ZNF23: variants seen among roughly 807,000 people sequenced by gnomAD.
The protein encoded by ZNF23 is kruppel-like zinc finger factor X31.
ZNF23 carries 48 observed loss-of-function variants against 56.2 expected under a neutral mutation model. The observed-to-expected ratio is 0.85, with a 90% confidence interval of 0.68 to 1.09. ZNF23 has a LOEUF of 1.09. ZNF23 is among the 50% of genes least tolerant of loss of function. The probability of loss-of-function intolerance (pLI) is 0.00; values close to 1 mark genes in which losing one functional copy is unlikely to be tolerated. For missense variants in ZNF23, 805 were observed against 811.4 expected, an observed-to-expected ratio of 0.99 and a Z score of 0.10; for synonymous variants, 266 against 283.3, an observed-to-expected ratio of 0.94 and a Z score of 0.61.
intron 1 of ZNF23, among the ~76,000 whole-genome samples, chr16:71,458,895 G>A (rs2043337318): frequency 6.6e-6 from 1 of 152,234 alleles, no homozygotes; most frequent in East Asian, 1.9e-4. Context: ...CAGTTAGGCT[G>A]AGCAGTGTTT....
intron 2 of ZNF23, 116 bp from the exon 3 acceptor site, chr16:71,454,284 A>G (rs1303766549): frequency 5.9e-6 from 8 of 1,349,814 alleles, no homozygotes; most frequent in Non-Finnish European, 7.8e-6. Flanking sequence ...CAAAATTAGT[A>G]TTAACAACAA....
intron 1 of ZNF23, among the ~76,000 whole-genome samples, chr16:71,458,557 G>A (rs572329953): frequency 1.7e-4 from 26 of 152,126 alleles, no homozygotes; most frequent in Non-Finnish European, 3.7e-4. Flanking sequence ...ATATGGAGAC[G>A]GGGCCTGTCA....
In ZNF23 at chr16:71,448,991, A is replaced by G. The variant is rs776413285; in HGVS notation, c.1163T>C (p.Phe388Ser). 25 of 1,614,204 alleles carry G rather than the reference A, an allele frequency of 1.5e-5. No individual in the cohort carries two copies. The highest frequency in any genetic ancestry group is 1.9e-5 in the Non-Finnish European group (23 of 1,180,038). Reference protein sequence around the residue: ...PYECNECGKGFRCSSQLRQHQ... With the variant: ...PYECNECGKGSRCSSQLRQHQ... Reference sequence around the variant, plus strand: ...CTGCCTAAGCTGGGAGCTGCACCTGAAGCCTTTTCCACATTCATTACATTC... The same window carrying G: ...CTGCCTAAGCTGGGAGCTGCACCTGGAGCCTTTTCCACATTCATTACATTC... The change falls in exon 5 of 5, where the codon TTC becomes TCC. Residue 388 changes from phenylalanine to serine, a missense_variant. Physicochemically the swap from Phe to Ser is radical, Grantham distance 155 (BLOSUM62 -2). Coordinates refer to ENST00000647773, the MANE Select transcript of ZNF23 (RefSeq NM_001381984.1).
In ZNF23 at chr16:71,449,181, A is replaced by G; in HGVS notation, c.973T>C (p.Cys325Arg). The G allele has an allele frequency of 6.2e-7, 1 of 1,614,112 alleles. No individual in the cohort carries two copies. The highest frequency in any genetic ancestry group is 8.5e-7 in the Non-Finnish European group (1 of 1,180,016). Residue 325 changes from cysteine (C) to arginine (R), a missense_variant, in exon 5 of 5, where the codon TGC becomes CGC. Cys to Arg is a radical substitution (Grantham distance 180). Coordinates refer to ENST00000647773, the MANE Select transcript of ZNF23 (RefSeq NM_001381984.1). ...CTGAAGCCATTTCCACATTCCTTGC[A>G]CTGATAGGGCTTCTCTCCCGTATGG... ...RIHTGEKPYQ[C>R]KECGNGFSCS...
intron 2 of ZNF23, 165 bp from the exon 3 acceptor site, chr16:71,454,333 T>C (rs2043152374): frequency 5.5e-6 from 5 of 917,024 alleles, no homozygotes; most frequent in Admixed American, 3.3e-5. Flanking sequence ...GAAAGTAAAC[T>C]ACAAAGTATC....
rs1273867237 is a variant in ZNF23 at position 71,448,292 on chromosome 16, T to C, written c.1862A>G (p.His621Arg). 2 of 1,614,194 alleles carry C rather than the reference T, an allele frequency of 1.2e-6. No homozygotes were observed. The highest frequency in any genetic ancestry group is 2.2e-5 in the South Asian group (2 of 91,086). ...AFHVNAHLIR[H>R]QRSHTGEKPF... ...TTTCTCCCCAGTGTGGCTTCTCTGA[T>C]GCCGAATTAAATGGGCATTAACATG... The change falls in exon 5 of 5, where the codon CAT becomes CGT. Residue 621 changes from histidine (H) to arginine (R), a missense_variant. Physicochemically the swap from His to Arg is conservative, Grantham distance 29 (BLOSUM62 0). Coordinates refer to ENST00000647773, the MANE Select transcript of ZNF23 (RefSeq NM_001381984.1).
Position 71,447,720 on chromosome 16 carries a change from A to G in ZNF23, c.*373T>C, listed in dbSNP as rs537344707. ...TCTTTAGTACGGGTTTTCCTATCCA[A>G]CAACAAGGCTTCTCTCTCTCTCCAT... On this transcript the variant is annotated 3_prime_UTR_variant, in exon 5 of 5. Coordinates refer to ENST00000647773, the MANE Select transcript of ZNF23 (RefSeq NM_001381984.1). The G allele has an allele frequency of 1.3e-5, 2 of 159,738 alleles. No homozygotes were observed. The highest frequency in any genetic ancestry group is 1.3e-5 in the Non-Finnish European group (1 of 74,962). The allele number at this position is 159,738 out of a possible 1,614,324, so 9.9% of individuals were successfully genotyped here.
chr16:71,448,187 T>C lies in ZNF23; in HGVS notation c.1967A>G (p.Lys656Arg), dbSNP rs1339587793. The C allele has an allele frequency of 6.2e-6, 10 of 1,614,266 alleles. No individual in the cohort carries two copies. Among genetic ancestry groups the C allele is most frequent in the Non-Finnish European group, 7.6e-6 (9 of 1,180,042 alleles). ...YIIHQTVHTW[K>R]KPYMCSVCGK... The stretch of plus-strand genomic sequence containing the variant: ...ACACACACTACACATATAGGGTTTC[T>C]TCCAAGTGTGGACTGTCTGATGTAT... Residue 656 changes from lysine (K) to arginine (R), a missense_variant, in exon 5 of 5, where the codon AAG (lysine) becomes AGG (arginine). Transcript: ENST00000647773.
chr16:71,455,040 T>A (rs1239571635), intron 2 of ZNF23, among the ~76,000 whole-genome samples: 1 of 152,186 alleles, frequency 6.6e-6, no homozygotes, highest in Non-Finnish European at 1.5e-5. Context: ...AGGGATCTGC[T>A]GCTCAACTCC....
intron 4 of ZNF23, chr16:71,450,624 C>T (rs560536625): frequency 7.2e-6 from 3 of 415,500 alleles, no homozygotes; most frequent in African/African-American, 2.1e-5. Flanking sequence ...GAGGATGAGG[C>T]AGGAGAATTG....
rs149618249 is a variant in ZNF23 at position 71,448,174 on chromosome 16, C to A, written c.1980G>T (p.Met660Ile). ...TGAATGCTTTCCCACACACACTACA[C>A]ATATAGGGTTTCTTCCAAGTGTGGA... ...QTVHTWKKPY[M>I]CSVCGKAFRF... Residue 660 changes from methionine (M) to isoleucine (I), a missense_variant, in exon 5 of 5, where the codon ATG becomes ATT. By Grantham distance (10) the Met-to-Ile change is conservative. Transcript: ENST00000647773. 6.8e-6 allele frequency: 11 copies of A among 1,614,200 alleles called. No individual in the cohort carries two copies. The East Asian group carries it at 2.5e-4, about 36-fold the overall frequency.
rs757789982 is a variant in ZNF23 at position 71,449,294 on chromosome 16, G to A, written c.860C>T (p.Thr287Ile). 1.9e-6 allele frequency: 3 copies of A among 1,614,034 alleles called. No individual in the cohort carries two copies. Among genetic ancestry groups the A allele is most frequent in the East Asian group, 4.5e-5 (2 of 44,878 alleles). Residue 287 changes from threonine (T) to isoleucine (I), a missense_variant, in exon 5 of 5, where the codon ACA becomes ATA. Physicochemically the swap from Thr to Ile is moderately conservative, Grantham distance 89 (BLOSUM62 -1). Coordinates refer to ENST00000647773, the MANE Select transcript of ZNF23 (RefSeq NM_001381984.1). ...SYSSHYITHQ[T>I]IHSGEKPYQC... ...ATAGGGCTTCTCCCCACTGTGGATT[G>A]TCTGATGTGTGATATAATGGGAACT...
Position 71,449,740 on chromosome 16 carries a change from T to C in ZNF23, c.414A>G (p.Ala138=). ...TGCTCTTCTCCTTCTTTATATTTCC[T>C]GCTGAGTGGACTTCCTGTTGTTTCT... ...LLEKQQEVHS[A]GNIKKEKSNT... is the part of the protein sequence containing the mutation. Residue 138 remains alanine, a synonymous_variant, in exon 5 of 5, where the codon GCA becomes GCG. Coordinates refer to ENST00000647773, the MANE Select transcript of ZNF23 (RefSeq NM_001381984.1). 1 of 1,614,118 alleles carries C rather than the reference T, an allele frequency of 6.2e-7. No individual in the cohort carries two copies. Among genetic ancestry groups the C allele is most frequent in the Non-Finnish European group, 8.5e-7 (1 of 1,180,042 alleles).
At position 71,454,101 on chromosome 16, in the gene ZNF23, G is replaced by T; in HGVS notation, c.101C>A (p.Ala34Glu). 1 of 1,614,086 alleles carries T rather than the reference G, an allele frequency of 6.2e-7. No homozygotes were observed. Among genetic ancestry groups the T allele is most frequent in the Non-Finnish European group, 8.5e-7 (1 of 1,179,996 alleles). Residue 34 changes from alanine (A) to glutamate (E), a missense_variant, in exon 3 of 5, where the codon GCA becomes GAA. Transcript: ENST00000647773. ...TQAEWDGLSP[A>E]QRTLYRDVML... is the part of the protein sequence containing the mutation. Reference sequence around the variant, plus strand: ...CACATCCCTGTACAGGGTCCTCTGTGCAGGGGACAGGCCATCCCATTCCGC... The same window carrying T: ...CACATCCCTGTACAGGGTCCTCTGTTCAGGGGACAGGCCATCCCATTCCGC...
intron 3 of ZNF23, chr16:71,453,709 T>G: frequency 2.0e-6 from 1 of 505,516 alleles, no homozygotes; most frequent in Non-Finnish European, 3.5e-6. Flanking sequence ...CAGAGTACAC[T>G]GAGATCCTTG....
At chr16:71,454,991 C>G (rs2043176097) in intron 2 of ZNF23, among the ~76,000 whole-genome samples, 1 of 151,912 alleles carries the variant, frequency 6.6e-6, no homozygotes, top group Admixed American at 6.6e-5. Context: ...ACCCTCTGCC[C>G]ACCTCAGCCT....
chr16:71,453,735 G>A lies in ZNF23; in HGVS notation c.160+307C>T, dbSNP rs1453111707. 14 of 535,150 alleles carry A rather than the reference G, an allele frequency of 2.6e-5. No individual in the cohort carries two copies. The East Asian group carries it at 4.1e-4, about 16-fold the overall frequency. The allele number at this position is 535,150 out of a possible 1,614,324, so 33.2% of individuals were successfully genotyped here. Reference sequence around the variant, plus strand: ...GAGATCCTTGAAAAGACTCAAGACAGGTAAGATGAGGGGGCAACTGAAGAT... The same window carrying A: ...GAGATCCTTGAAAAGACTCAAGACAAGTAAGATGAGGGGGCAACTGAAGAT... On this transcript the variant is annotated intron_variant, in intron 3 of 4. Transcript: ENST00000647773.
intron 1 of ZNF23, among the ~76,000 whole-genome samples, chr16:71,458,926 CCTTTT>C (rs2043338555): frequency 6.6e-6 from 1 of 152,316 alleles, no homozygotes; most frequent in Non-Finnish European, 1.5e-5. Context: ...AATGTGGTTT[CCTTTT>C]ATTTTCAAAG....
chr16:71,458,974 C>A (rs956122259), intron 1 of ZNF23, among the ~76,000 whole-genome samples: 2 of 152,208 alleles, frequency 1.3e-5, no homozygotes, highest in African/African-American at 4.8e-5. Context: ...ACACTACTTT[C>A]TTCTATTTGT....
Sources: allele counts gnomAD v4.1 joint callset (sites outside exome capture counted in the v4.1 genomes callset), GRCh38; gene constraint gnomAD v4.1.1; transcripts MANE v1.5; gene names NCBI Gene and HGNC (gene_info 2026-07-23, HGNC 2026-07-21).